WDR11: variants seen among roughly 807,000 people sequenced by gnomAD.
The protein encoded by WDR11 is WD repeat-containing protein 11.
In WDR11, 83 loss-of-function variants were observed where a neutral mutation model predicts 151.2. The ratio of observed to expected loss-of-function variants is 0.55; its 90% CI spans 0.46 to 0.66. WDR11 has a LOEUF of 0.66. Ranked by LOEUF, WDR11 falls within the 30% of genes least tolerant of loss-of-function variation. WDR11 has a pLI of 0.00. For synonymous variants in WDR11, 484 were observed against 533.1 expected (o/e 0.91, Z 1.27); for missense variants, 1,301 against 1,480.9 (o/e 0.88, Z 1.99).
chr10:120,886,631 T>C (rs1326304823), intron 15 of WDR11, 58 bp from the exon 16 acceptor site: 1 of 1,586,382 alleles, frequency 6.3e-7, no homozygotes, highest in Non-Finnish European at 8.6e-7. Flanking sequence ...TAATTAATTA[T>C]GAGTATCACT....
In WDR11 at chr10:120,905,899, T is replaced by C. The variant is rs747213991; in HGVS notation, c.3315T>C (p.Cys1105=). ...LAKVRLNPEE[C]ADVLRRWVDH... ...AGGTCCGTTTGAATCCTGAGGAGTG[T>C]GCCGATGTTTTAAGGCGGTGGGTTG... Residue 1105 remains cysteine (C), a synonymous_variant, in exon 27 of 29, where the codon TGT becomes TGC. Coordinates refer to ENST00000263461, the MANE Select transcript of WDR11 (RefSeq NM_018117.12). 9.3e-6 allele frequency: 15 copies of C among 1,614,096 alleles called. No individual in the cohort carries two copies. The Admixed American group carries it at 2.5e-4, about 27-fold the overall frequency.
At chr10:120,857,415 C>T (rs1192594172) in intron 2 of WDR11, among the ~76,000 whole-genome samples, 1 of 152,126 alleles carries the variant, frequency 6.6e-6, no homozygotes, top group Non-Finnish European at 1.5e-5. Context: ...AATACAGAAT[C>T]TATAAATAAC....
chr10:120,908,394 G>A (rs866954140), intron 28 of WDR11, 162 bp from the exon 29 acceptor site: 16 of 714,330 alleles, frequency 2.2e-5, no homozygotes, highest in African/African-American at 1.1e-4. Flanking sequence ...CCCTCTGCCC[G>A]CGAAAAGTCT....
chr10:120,866,906 G>A, intron 8 of WDR11, 142 bp downstream of exon 8: 1 of 1,105,722 alleles, frequency 9.0e-7, no homozygotes, highest in South Asian at 1.4e-5. Flanking sequence ...GATTATTAGG[G>A]AATTATGTAA....
chr10:120,880,759 GTGGCTTCT>G (rs999195462), intron 12 of WDR11, 59 bp from the exon 13 acceptor site: 2 of 1,350,648 alleles, frequency 1.5e-6, no homozygotes, highest in African/African-American at 2.9e-5. Context: ...TTACATTGGC[GTGGCTTCT>G]TGTTTTTCAT....
chr10:120,881,420 T>C (rs572790207), intron 13 of WDR11, among the ~76,000 whole-genome samples: 2 of 152,276 alleles, frequency 1.3e-5, no homozygotes, highest in South Asian at 2.1e-4. Flanking sequence ...CTATCAGTTT[T>C]ATCAAAAAAT....
chr10:120,855,540 T>C (rs1346163440), intron 2 of WDR11, among the ~76,000 whole-genome samples: 2 of 152,190 alleles, frequency 1.3e-5, no homozygotes, highest in Non-Finnish European at 2.9e-5. Flanking sequence ...TGTTGTTGCT[T>C]GTACTTTTTG....
chr10:120,865,595 G>A, intron 6 of WDR11, 35 bp from the exon 7 acceptor site: 2 of 1,371,766 alleles, frequency 1.5e-6, no homozygotes, highest in Non-Finnish European at 2.0e-6. Context: ...TTAATCTATT[G>A]TGTTTTAAAA....
intron 2 of WDR11, among the ~76,000 whole-genome samples, chr10:120,854,987 ATACT>A (rs1224017585): frequency 1.3e-5 from 2 of 152,162 alleles, no homozygotes; most frequent in African/African-American, 2.4e-5. Flanking sequence ...TTTCTCATAC[ATACT>A]TACTTATGAT....
chr10:120,900,535 G>C (rs150501499), intron 20 of WDR11, among the ~76,000 whole-genome samples: 1 of 152,072 alleles, frequency 6.6e-6, no homozygotes, highest in East Asian at 1.9e-4. Flanking sequence ...TTGCCTCATT[G>C]CAAAAAAATA....
chr10:120,865,189 C>G lies in WDR11; in HGVS notation c.856C>G (p.Arg286Gly). 1.2e-6 allele frequency: 2 copies of G among 1,613,824 alleles called. No homozygotes were observed. Among genetic ancestry groups the G allele is most frequent in the South Asian group, 1.1e-5 (1 of 91,072 alleles). Residue 286 changes from arginine to glycine, a missense_variant, in exon 6 of 29, where the codon CGC becomes GGC. This residue lies in a region of WDR11 where 692 missense variants were observed against 762.5 expected (regional missense o/e 0.91). Coordinates refer to ENST00000263461, the MANE Select transcript of WDR11 (RefSeq NM_018117.12). ...NQTVGVIAIE[R>G]TGVPFLQVIP... ...GACGGTGGGTGTGATTGCAATAGAA[C>G]GCACAGGAGTTCCATTTTTACAGGT...
intron 10 of WDR11, among the ~76,000 whole-genome samples, chr10:120,873,189 G>A (rs1333721848): frequency 6.6e-6 from 1 of 152,178 alleles, no homozygotes; most frequent in African/African-American, 2.4e-5. Context: ...CAATTACTGT[G>A]CTTAGTGCTT....
intron 28 of WDR11, chr10:120,907,905 A>C (rs1848125489): frequency 6.6e-6 from 1 of 152,408 alleles, no homozygotes; most frequent in African/African-American, 2.4e-5. Context: ...GGCCTCCCAA[A>C]GTGCTGAGAT....
chr10:120,885,286 T>TACACACAC (rs5788451), intron 14 of WDR11, among the ~76,000 whole-genome samples: 1 of 147,352 alleles, frequency 6.8e-6, no homozygotes, highest in South Asian at 2.2e-4. Flanking sequence ...TATATATATA[T>TACACACAC]ACACACACAC....
At chr10:120,874,434 G>A (rs1438870586) in intron 11 of WDR11, among the ~76,000 whole-genome samples, 2 of 151,808 alleles carry the variant, frequency 1.3e-5, no homozygotes, top group Non-Finnish European at 2.9e-5. Flanking sequence ...GGATACATGT[G>A]CAGAATGCGT....
At chr10:120,876,143 T>C (rs1269496179) in intron 11 of WDR11, among the ~76,000 whole-genome samples, 1 of 151,918 alleles carries the variant, frequency 6.6e-6, no homozygotes, top group Non-Finnish European at 1.5e-5. Context: ...CACGCCCAGC[T>C]AATTTTTGTA....
chr10:120,905,030 G>A (rs1847979819), intron 25 of WDR11, among the ~76,000 whole-genome samples: 1 of 152,168 alleles, frequency 6.6e-6, no homozygotes, highest in Non-Finnish European at 1.5e-5. Flanking sequence ...TAATTGCTGA[G>A]ATAATAGGCA....
intron 28 of WDR11, chr10:120,907,602 A>ATTTTTTT (rs11415545): frequency 2.1e-5 from 3 of 142,360 alleles, no homozygotes; most frequent in African/African-American, 7.9e-5. Flanking sequence ...TGTGTTTATA[A>ATTTTTTT]TTTTTTTTTT....
chr10:120,859,614 G>A (rs1846067745), intron 3 of WDR11, among the ~76,000 whole-genome samples: 2 of 151,930 alleles, frequency 1.3e-5, no homozygotes, highest in South Asian at 4.2e-4. Flanking sequence ...TCTCTTGACT[G>A]AATGAATTTT....
Sources: gnomAD v4.1 joint callset for allele counts (sites outside exome capture counted in the v4.1 genomes callset) on GRCh38, gnomAD v4.1.1 for gene constraint, gnomAD v4.1.1 regional missense constraint, MANE v1.5 for transcripts, NCBI Gene and HGNC (gene_info 2026-07-23, HGNC 2026-07-21) for gene names.